Variants in HMOX2 observed in about 807,000 individuals in gnomAD.
The protein encoded by HMOX2 is heme oxygenase (decycling) 2.
HMOX2 carries 30 observed loss-of-function variants against 33.7 expected under a neutral mutation model. The ratio of observed to expected loss-of-function variants is 0.89; its 90% CI spans 0.67 to 1.21. The LOEUF (loss-of-function observed/expected upper bound fraction) is 1.21, where lower values mean the gene tolerates loss of function less well. HMOX2 is among the 50% of genes most tolerant of loss of function. The pLI, the probability that HMOX2 is intolerant of heterozygous loss-of-function variation, is 0.00. For missense variants in HMOX2, 403 were observed against 399.1 expected, an observed-to-expected ratio of 1.01 and a Z score of -0.08; for synonymous variants, 155 against 155.0, an observed-to-expected ratio of 1.00 and a Z score of 0.00.
Position 4,485,112 on chromosome 16 carries a change from C to T in HMOX2, c.-42+8625C>T, listed in dbSNP as rs17886494. Among the ~76,000 whole-genome samples, 342 of 151,994 alleles carry T rather than the reference C, an allele frequency of 2.3e-3. 1 individual carries two copies. Among genetic ancestry groups the T allele is most frequent in the Non-Finnish European group, 3.9e-3 (268 of 67,980 alleles). On this transcript the variant is annotated intron_variant, in intron 1 of 5. Coordinates refer to ENST00000570646, the MANE Select transcript of HMOX2 (RefSeq NM_002134.4). ...TCCCGAGTAGCTGGGATTACAGGTG[C>T]CTGCCACAACCCCCGGCTAATTTTT...
chr16:4,500,993 G>T (rs2058544206), intron 1 of HMOX2, among the ~76,000 whole-genome samples: 1 of 152,082 alleles, frequency 6.6e-6, no homozygotes, highest in African/African-American at 2.4e-5. Context: ...TTTTGGAAAT[G>T]GGAAAGAGAG....
intron 1 of HMOX2, among the ~76,000 whole-genome samples, chr16:4,484,523 C>G (rs141437685): frequency 2.1e-5 from 3 of 144,102 alleles, no homozygotes; most frequent in Non-Finnish European, 4.5e-5. Flanking sequence ...TGCAGTGGTA[C>G]GATTTCGGCT....
At position 4,476,926 on chromosome 16, in the gene HMOX2, G is replaced by T. The variant is rs1216989147; in HGVS notation, c.-42+439G>T. On this transcript the variant is annotated intron_variant, in intron 1 of 5. Transcript: ENST00000570646. The stretch of plus-strand genomic sequence containing the variant: ...TTGGAGCCCGGCTTGGCTGTTTCCC[G>T]GGCTGTTGGCATTGACCGGGGCTCT... Among the ~76,000 whole-genome samples the T allele has an allele frequency of 2.6e-4, 40 of 152,138 alleles. 1 individual carries two copies. Among genetic ancestry groups the T allele is most frequent in the Admixed American group, 2.6e-3 (40 of 15,272 alleles).
chr16:4,509,652 C>T lies in HMOX2; in HGVS notation c.847C>T (p.Pro283Ser). Residue 283 changes from proline (P) to serine (S), a missense_variant, in exon 6 of 6, where the codon CCC becomes TCC. Pro to Ser is a moderately conservative substitution (Grantham distance 74). Coordinates refer to ENST00000570646, the MANE Select transcript of HMOX2 (RefSeq NM_002134.4). ...AGGTGCCCTGGAGGGCAGCAGCTGT[C>T]CCTTCCGAACAGCTATGGCTGTGCT... ...DKGALEGSSC[P>S]FRTAMAVLRK... The T allele has an allele frequency of 6.2e-7, 1 of 1,613,898 alleles. No individual in the cohort carries two copies. Among genetic ancestry groups the T allele is most frequent in the Non-Finnish European group, 8.5e-7 (1 of 1,179,780 alleles).
chr16:4,487,652 T>C (rs980814617), intron 1 of HMOX2, among the ~76,000 whole-genome samples: 11 of 151,936 alleles, frequency 7.2e-5, no homozygotes, highest in East Asian at 1.9e-4. Context: ...TACAAAAAAT[T>C]AGCTGGGCGT....
intron 1 of HMOX2, among the ~76,000 whole-genome samples, chr16:4,498,507 TG>T (rs1322093956): frequency 2.6e-5 from 4 of 152,106 alleles, no homozygotes; most frequent in African/African-American, 9.7e-5. Flanking sequence ...CCCGAGTGGT[TG>T]GGACTACAGG....
Position 4,509,643 on chromosome 16 carries a change from A to T in HMOX2, c.838A>T (p.Ser280Cys). ...AEQDKGALEGSSCPFRTAMAV... is the reference protein window; with the variant it reads ...AEQDKGALEGCSCPFRTAMAV... ...CTGCCACACAGGTGCCCTGGAGGGCAGCAGCTGTCCCTTCCGAACAGCTAT... is the reference window on the plus strand; with the variant it reads ...CTGCCACACAGGTGCCCTGGAGGGCTGCAGCTGTCCCTTCCGAACAGCTAT... The change falls in exon 6 of 6, where the codon AGC becomes TGC. Residue 280 changes from serine (S) to cysteine (C), a missense_variant. Coordinates refer to ENST00000570646, the MANE Select transcript of HMOX2 (RefSeq NM_002134.4). The T allele has an allele frequency of 6.2e-7, 1 of 1,613,756 alleles. No homozygotes were observed. Among genetic ancestry groups the T allele is most frequent in the African/African-American group, 1.3e-5 (1 of 75,054 alleles).
At chr16:4,506,863 T>C (rs775285965) in intron 2 of HMOX2, 32 bp from the exon 3 acceptor site, 39 of 1,494,404 alleles carry the variant, frequency 2.6e-5, no homozygotes, top group East Asian at 1.1e-4. Context: ...GAAGGGCTAA[T>C]TGACACACAA....
chr16:4,507,449 CA>C (rs757895134), intron 3 of HMOX2, among the ~76,000 whole-genome samples: 278 of 126,518 alleles, frequency 2.2e-3, no homozygotes, highest in East Asian at 3.3e-3. Flanking sequence ...TTTACCCCGC[CA>C]AAAAAAAAAA....
At chr16:4,480,946 G>A (rs1008287941) in intron 1 of HMOX2, among the ~76,000 whole-genome samples, 1 of 150,098 alleles carries the variant, frequency 6.7e-6, no homozygotes, top group African/African-American at 2.4e-5. Context: ...GAGCCACCGC[G>A]CCCGGCCAGG....
intron 1 of HMOX2, among the ~76,000 whole-genome samples, chr16:4,491,269 G>A (rs557051878): frequency 6.6e-6 from 1 of 152,262 alleles, no homozygotes; most frequent in South Asian, 2.1e-4. Context: ...GGTTACTGGA[G>A]GGCCCTTCAC....
Position 4,509,816 on chromosome 16 carries a change from TC to T in HMOX2, c.*62del. 6.5e-7 allele frequency: 1 copy of T among 1,548,992 alleles called. No homozygotes were observed. The highest frequency in any genetic ancestry group is 8.8e-7 in the Non-Finnish European group (1 of 1,140,410). On this transcript the variant is annotated 3_prime_UTR_variant, in exon 6 of 6. Transcript: ENST00000570646. ...GACTGACCACTGGCCTACCCCTTTC[TC>T]CAGCCCTGACTAAACTACCACCTCA...
In HMOX2 at chr16:4,508,190, G is replaced by C; in HGVS notation, c.682G>C (p.Glu228Gln). 6.2e-7 allele frequency: 1 copy of C among 1,609,396 alleles called. No individual in the cohort carries two copies. Among genetic ancestry groups the C allele is most frequent in the Non-Finnish European group, 8.5e-7 (1 of 1,177,582 alleles). The change falls in exon 4 of 6, where the codon GAG becomes CAG. Residue 228 changes from glutamate (E) to glutamine (Q), a missense_variant. By Grantham distance (29) the Glu-to-Gln change is conservative. Transcript: ENST00000570646. Reference protein sequence around the residue: ...RIVEEANKAFEYNMQIFNELD... With the variant: ...RIVEEANKAFQYNMQIFNELD... ...CGTGGAGGAGGCCAACAAGGCTTTTGAGTATAACATGCAGGTACTATTGGG... is the reference window on the plus strand; with the variant it reads ...CGTGGAGGAGGCCAACAAGGCTTTTCAGTATAACATGCAGGTACTATTGGG...
intron 1 of HMOX2, among the ~76,000 whole-genome samples, chr16:4,500,349 C>T (rs2058527696): frequency 6.6e-6 from 1 of 152,176 alleles, no homozygotes; most frequent in South Asian, 2.1e-4. Context: ...AGTCTCTGAG[C>T]AGCCACTTAG....
intron 2 of HMOX2, among the ~76,000 whole-genome samples, 166 bp downstream of exon 2, chr16:4,505,776 G>C (rs550987135): frequency 6.6e-5 from 10 of 152,358 alleles, no homozygotes; most frequent in African/African-American, 2.4e-4. Context: ...AGCTTCGGCT[G>C]CTTAGAACTC....
chr16:4,503,964 T>C (rs2058623567), intron 1 of HMOX2, among the ~76,000 whole-genome samples: 1 of 152,244 alleles, frequency 6.6e-6, no homozygotes, highest in South Asian at 2.1e-4. Flanking sequence ...TAGTTGTCGG[T>C]GCTACTGTGC....
rs369427836 is a variant in HMOX2 at position 4,506,311 on chromosome 16, AT to A, written c.87-581del. Among the ~76,000 whole-genome samples, 33 of 151,836 alleles carry A rather than the reference AT, an allele frequency of 2.2e-4. No individual in the cohort carries two copies. In the East Asian group the frequency reaches 5.6e-3, roughly 26 times the overall value. On this transcript the variant is annotated intron_variant, in intron 2 of 5. Transcript: ENST00000570646. The stretch of plus-strand genomic sequence containing the variant: ...ATCCACACACCTTTACAACTGTGTA[AT>A]TTCGTTAAGCAGCACAAACCCAGCG...
chr16:4,492,516 G>C (rs2058328991), intron 1 of HMOX2, among the ~76,000 whole-genome samples: 1 of 149,612 alleles, frequency 6.7e-6, no homozygotes, highest in Non-Finnish European at 1.5e-5. Context: ...TCAAGAGATC[G>C]AGACCATCCT....
At chr16:4,489,671 C>CTGG (rs1281137782) in intron 1 of HMOX2, among the ~76,000 whole-genome samples, 1 of 152,180 alleles carries the variant, frequency 6.6e-6, no homozygotes, top group African/African-American at 2.4e-5. Context: ...GTTGCCCAGG[C>CTGG]TGGTCTGGAA....
Sources: gnomAD v4.1 joint callset for allele counts (sites outside exome capture counted in the v4.1 genomes callset) on GRCh38, gnomAD v4.1.1 for gene constraint, MANE v1.5 for transcripts, NCBI Gene and HGNC (gene_info 2026-07-23, HGNC 2026-07-21) for gene names.